The following TMEM132D variants were observed in gnomAD, a reference collection of about 807,000 sequenced individuals.
TMEM132D encodes mature OL transmembrane protein.
In TMEM132D, 21 loss-of-function variants were observed where a neutral mutation model predicts 62.3. The observed-to-expected ratio is 0.34, with a 90% CI of 0.24 to 0.49. TMEM132D has a LOEUF of 0.49. Ranked by LOEUF, TMEM132D falls within the 20% of genes least tolerant of loss-of-function variation. TMEM132D has a pLI of 0.99. For missense variants in TMEM132D, 1,346 were observed against 1,402.8 expected, an observed-to-expected ratio of 0.96 and a Z score of 0.65; for synonymous variants, 621 against 575.6, an observed-to-expected ratio of 1.08 and a Z score of -1.13.
chr12:129,466,034 T>A (rs564251706), intron 3 of TMEM132D, among the ~76,000 whole-genome samples: 1 of 152,270 alleles, frequency 6.6e-6, no homozygotes, highest in African/African-American at 2.4e-5. Context: ...CGGCACAGGA[T>A]TAATGTAAAG....
intron 2 of TMEM132D, among the ~76,000 whole-genome samples, chr12:129,566,048 G>GAAA (rs1378576866): frequency 1.3e-5 from 2 of 152,204 alleles, no homozygotes; most frequent in Non-Finnish European, 2.9e-5. Context: ...CTGTCTTGAA[G>GAAA]AAAAGCACTT....
In TMEM132D at chr12:129,399,909, A is replaced by G. The variant is rs1871568782; in HGVS notation, c.1116-62092T>C. On this transcript the variant is annotated intron_variant, in intron 3 of 8. Coordinates refer to ENST00000422113, the MANE Select transcript of TMEM132D (RefSeq NM_133448.3). ...TGTGTGTGTGTGGGGGGGTATATAC[A>G]TTTTTCATATAATGAATATTTATAT... 3.3e-5 allele frequency among the ~76,000 whole-genome samples: 5 copies of G among 151,890 alleles called. 1 individual carries two copies. The South Asian group carries it at 1.0e-3, about 32-fold the overall frequency.
At chr12:129,642,913 T>C (rs982701634) in intron 2 of TMEM132D, among the ~76,000 whole-genome samples, 4 of 143,066 alleles carry the variant, frequency 2.8e-5, no homozygotes, top group African/African-American at 7.9e-5. Context: ...CCAAAGAATT[T>C]ACAAATCTTT....
chr12:129,158,039 G>T (rs1032852508), intron 5 of TMEM132D, among the ~76,000 whole-genome samples: 4 of 152,186 alleles, frequency 2.6e-5, no homozygotes, highest in African/African-American at 7.2e-5. Context: ...TGACAGAGGG[G>T]TAGGTGAGGT....
At chr12:129,499,942 C>A (rs1250182009) in intron 3 of TMEM132D, among the ~76,000 whole-genome samples, 1 of 151,554 alleles carries the variant, frequency 6.6e-6, no homozygotes, top group East Asian at 2.0e-4. Context: ...AATACATACC[C>A]TGAGTGGGGA....
intron 2 of TMEM132D, among the ~76,000 whole-genome samples, chr12:129,556,099 A>T (rs952357732): frequency 6.6e-6 from 1 of 152,206 alleles, no homozygotes; most frequent in Non-Finnish European, 1.5e-5. Context: ...AACAGGCCAC[A>T]GGGTGCTCCA....
intron 5 of TMEM132D, among the ~76,000 whole-genome samples, chr12:129,130,335 AC>A (rs11320407): frequency 0.98 from 148,462 of 151,086 alleles, 72,977 homozygotes; most frequent in Middle Eastern, 1. Context: ...CTCTGAAGAG[AC>A]CCCCCCGCCC....
chr12:129,097,571 A>G (rs1038774957), intron 5 of TMEM132D, among the ~76,000 whole-genome samples: 5 of 152,246 alleles, frequency 3.3e-5, no homozygotes, highest in Non-Finnish European at 5.9e-5. Context: ...AAATAACAGG[A>G]GAAGGGAAAT....
chr12:129,829,390 C>A (rs1872761744), intron 1 of TMEM132D, among the ~76,000 whole-genome samples: 1 of 152,056 alleles, frequency 6.6e-6, no homozygotes, highest in Admixed American at 6.6e-5. Flanking sequence ...TTGTGAAATC[C>A]AATTCCACTA....
At chr12:129,479,688 C>T (rs150437057) in intron 3 of TMEM132D, among the ~76,000 whole-genome samples, 30 of 152,246 alleles carry the variant, frequency 2.0e-4, no homozygotes, top group African/African-American at 6.0e-4. Context: ...GTCTGAAGAA[C>T]GCTGGGGGTG....
chr12:129,514,649 A>G (rs759936731), intron 3 of TMEM132D, among the ~76,000 whole-genome samples: 1 of 152,330 alleles, frequency 6.6e-6, no homozygotes, highest in Non-Finnish European at 1.5e-5. Context: ...TTAGGGCCTA[A>G]CAAAGTGTGT....
intron 2 of TMEM132D, among the ~76,000 whole-genome samples, chr12:129,573,836 C>T (rs1290094908): frequency 6.7e-6 from 1 of 149,652 alleles, no homozygotes; most frequent in Non-Finnish European, 1.5e-5. Flanking sequence ...AGAAGTGTTA[C>T]ACAGAAGCGT....
At chr12:129,217,786 G>A (rs1283079780) in intron 4 of TMEM132D, among the ~76,000 whole-genome samples, 1 of 152,162 alleles carries the variant, frequency 6.6e-6, no homozygotes, top group Admixed American at 6.5e-5. Context: ...CAAACAAACA[G>A]GATTTGCGTT....
intron 5 of TMEM132D, among the ~76,000 whole-genome samples, chr12:129,162,080 T>A (rs11060165): frequency 6.6e-6 from 1 of 152,276 alleles, no homozygotes; most frequent in East Asian, 1.9e-4. Context: ...GTGTCCCCCC[T>A]CAATTCCCTA....
chr12:129,605,897 A>G (rs1380032456), intron 2 of TMEM132D, among the ~76,000 whole-genome samples: 1 of 152,076 alleles, frequency 6.6e-6, no homozygotes, highest in Non-Finnish European at 1.5e-5. Flanking sequence ...GAAAACAGCC[A>G]GGAACCTGGC....
At chr12:129,400,903 A>G (rs1198186857) in intron 3 of TMEM132D, among the ~76,000 whole-genome samples, 1 of 152,218 alleles carries the variant, frequency 6.6e-6, no homozygotes, top group Non-Finnish European at 1.5e-5. Flanking sequence ...GAAGAAAAAT[A>G]TAGCAAAATG....
chr12:129,654,647 A>C (rs1880024019), intron 2 of TMEM132D, among the ~76,000 whole-genome samples: 1 of 152,208 alleles, frequency 6.6e-6, no homozygotes, highest in African/African-American at 2.4e-5. Flanking sequence ...AGGTCACTGT[A>C]TAGTTTCCGG....
rs750855578 is a variant in TMEM132D, at chr12:129,371,768, C to T, written c.1116-33951G>A. ...ACATGGAAGTCTATACATAGCTTTA[C>T]GTATCTGCTGAACCTAGTTCAGTGT... On this transcript the variant is annotated intron_variant, in intron 3 of 8. Transcript: ENST00000422113. This position sits in a 1 kb window ranked among gnomAD's most constrained non-coding sequence, Gnocchi z 4.3. Among the ~76,000 whole-genome samples, 14 of 152,228 alleles carry T rather than the reference C, an allele frequency of 9.2e-5. 1 individual carries two copies. Among genetic ancestry groups the T allele is most frequent in the Admixed American group, 3.9e-4 (6 of 15,280 alleles).
intron 3 of TMEM132D, among the ~76,000 whole-genome samples, chr12:129,481,033 C>G (rs970659405): frequency 6.6e-6 from 1 of 152,016 alleles, no homozygotes; most frequent in African/African-American, 2.4e-5. Context: ...GAAATGCACA[C>G]AGGAATGTGA....
Sources: allele counts gnomAD v4.1 joint callset (sites outside exome capture counted in the v4.1 genomes callset), GRCh38; gene constraint gnomAD v4.1.1; non-coding constraint Gnocchi (gnomAD v3.1); transcripts MANE v1.5; gene names NCBI Gene and HGNC (gene_info 2026-07-23, HGNC 2026-07-21).